Variants in ARHGAP26 observed in about 807,000 individuals in gnomAD.
ARHGAP26 encodes the protein Rho GTPase activating protein 26.
A neutral mutation model predicts 104.8 loss-of-function variants in ARHGAP26; 38 were observed. The ratio of observed to expected loss-of-function variants is 0.36; its 90% confidence interval spans 0.28 to 0.48. The LOEUF is 0.48. Ranked by LOEUF, ARHGAP26 falls within the 20% of genes least tolerant of loss-of-function variation. The pLI, the probability that ARHGAP26 is intolerant of heterozygous loss-of-function variation, is 0.99. For missense variants in ARHGAP26, 704 were observed against 947.9 expected, an observed-to-expected ratio of 0.74 and a Z score of 3.38; for synonymous variants, 341 against 340.0, an observed-to-expected ratio of 1.00 and a Z score of -0.03.
chr5:143,033,142 A>C (rs965133787), intron 12 of ARHGAP26, among the ~76,000 whole-genome samples: 1 of 152,264 alleles, frequency 6.6e-6, no homozygotes, highest in Admixed American at 6.5e-5. Context: ...TATCGTATCC[A>C]TTTGAACTTA....
intron 19 of ARHGAP26, among the ~76,000 whole-genome samples, chr5:143,135,028 C>T (rs1797758356): frequency 6.6e-6 from 1 of 152,238 alleles, no homozygotes; most frequent in Admixed American, 6.5e-5. Context: ...AGCATGGGAC[C>T]TTGGCTTTAA....
At chr5:143,108,172 G>A (rs927598756) in intron 17 of ARHGAP26, among the ~76,000 whole-genome samples, 2 of 152,198 alleles carry the variant, frequency 1.3e-5, no homozygotes, top group Non-Finnish European at 2.9e-5. Context: ...CAGGAGGAGA[G>A]GGATATAAAG....
intron 13 of ARHGAP26, among the ~76,000 whole-genome samples, chr5:143,040,950 G>T (rs1476654566): frequency 6.6e-6 from 1 of 152,240 alleles, no homozygotes; most frequent in East Asian, 1.9e-4. Flanking sequence ...GGTTTTAAGA[G>T]AAGAGGTGAT....
chr5:142,969,745 A>G (rs1771953489), intron 11 of ARHGAP26, among the ~76,000 whole-genome samples: 2 of 152,094 alleles, frequency 1.3e-5, no homozygotes, highest in South Asian at 4.1e-4. Context: ...CTGCTTAGAG[A>G]AGTGCACATG....
chr5:142,881,678 A>G (rs1757023224), intron 4 of ARHGAP26, among the ~76,000 whole-genome samples: 1 of 152,114 alleles, frequency 6.6e-6, no homozygotes, highest in African/African-American at 2.4e-5. Context: ...ACACACATAC[A>G]TTTATATCAT....
At chr5:143,043,939 A>G (rs967748078) in intron 14 of ARHGAP26, among the ~76,000 whole-genome samples, 2 of 152,208 alleles carry the variant, frequency 1.3e-5, no homozygotes, top group African/African-American at 4.8e-5. Context: ...GGCTACAGCA[A>G]AGGGTATTGA....
chr5:142,864,382 A>T (rs1446118638), intron 1 of ARHGAP26, among the ~76,000 whole-genome samples: 2 of 152,204 alleles, frequency 1.3e-5, no homozygotes, highest in South Asian at 4.1e-4. Flanking sequence ...AAAGAAACCC[A>T]TACTGCTTTG....
chr5:142,946,141 A>G (rs1767066686), intron 11 of ARHGAP26, among the ~76,000 whole-genome samples: 1 of 152,246 alleles, frequency 6.6e-6, no homozygotes, highest in African/African-American at 2.4e-5. Context: ...CTCTCTCTGC[A>G]TCTTCTAAAG....
At chr5:143,023,960 A>G (rs1780689567) in intron 12 of ARHGAP26, among the ~76,000 whole-genome samples, 1 of 152,104 alleles carries the variant, frequency 6.6e-6, no homozygotes, top group Admixed American at 6.5e-5. Context: ...TCTGAGCCGC[A>G]GTCAGGCGAG....
chr5:143,167,482 C>CAAAAAAAAAAAAAAAAAAAAAAAAAAAA (rs6149274), intron 20 of ARHGAP26, among the ~76,000 whole-genome samples: 1 of 60,088 alleles, frequency 1.7e-5, no homozygotes, highest in African/African-American at 8.4e-5. Flanking sequence ...GACTCCATCT[C>CAAAAAAAAAAAAAAAAAAAAAAAAAAAA]AAAAAAAAAA....
intron 11 of ARHGAP26, among the ~76,000 whole-genome samples, chr5:142,971,027 A>C (rs753639431): frequency 6.6e-6 from 1 of 152,028 alleles, no homozygotes. Flanking sequence ...AGATTCTACA[A>C]ATTTTTTAGG....
At chr5:143,140,578 C>G (rs1420521150) in intron 19 of ARHGAP26, among the ~76,000 whole-genome samples, 1 of 152,136 alleles carries the variant, frequency 6.6e-6, no homozygotes, top group Non-Finnish European at 1.5e-5. Flanking sequence ...GTAGTTGTAT[C>G]TTACAACTGA....
intron 22 of ARHGAP26, chr5:143,216,560 G>A (rs1417608010): frequency 3.1e-6 from 1 of 320,822 alleles, no homozygotes; most frequent in Non-Finnish European, 6.2e-6. Flanking sequence ...TAACAATTCT[G>A]TAACTGCTCC....
At chr5:142,987,661 A>C (rs984530951) in intron 11 of ARHGAP26, among the ~76,000 whole-genome samples, 2 of 152,148 alleles carry the variant, frequency 1.3e-5, no homozygotes, top group East Asian at 3.8e-4. Flanking sequence ...TTATTTTGAG[A>C]TATGTCCCAT....
chr5:143,008,776 A>G (rs1778349057), intron 11 of ARHGAP26, among the ~76,000 whole-genome samples: 1 of 152,210 alleles, frequency 6.6e-6, no homozygotes, highest in Admixed American at 6.5e-5. Context: ...TCTACATTTG[A>G]AAAACAAGCC....
chr5:142,949,203 GAGAGAGAGAGA>G (rs1487671788), intron 11 of ARHGAP26, among the ~76,000 whole-genome samples: 46 of 16,210 alleles, frequency 2.8e-3, no homozygotes, highest in South Asian at 5.0e-3. Flanking sequence ...GAGAGAGAGA[GAGAGAGAGAGA>G]GAGAGAGGAG....
intron 17 of ARHGAP26, among the ~76,000 whole-genome samples, chr5:143,097,549 G>A (rs1432489990): frequency 4.0e-5 from 6 of 151,846 alleles, no homozygotes; most frequent in East Asian, 1.9e-4. Context: ...GGCCGGGCGC[G>A]GTGGCTCACG....
chr5:142,799,333 T>C (rs542168192), intron 1 of ARHGAP26, among the ~76,000 whole-genome samples: 58 of 152,338 alleles, frequency 3.8e-4, no homozygotes, highest in Admixed American at 7.2e-4. Context: ...ATAGGGTTCA[T>C]GGCTATATCC....
At chr5:142,786,470 A>C (rs1470395498) in intron 1 of ARHGAP26, among the ~76,000 whole-genome samples, 1 of 151,628 alleles carries the variant, frequency 6.6e-6, no homozygotes, top group Non-Finnish European at 1.5e-5. Flanking sequence ...CTAAGTTTAA[A>C]AAAGTGTTTT....
Sources: allele counts gnomAD v4.1 joint callset (sites outside exome capture counted in the v4.1 genomes callset), GRCh38; gene constraint gnomAD v4.1.1; transcripts MANE v1.5; gene names NCBI Gene and HGNC (gene_info 2026-07-23, HGNC 2026-07-21).